MACROD2: variants seen among roughly 807,000 people sequenced by gnomAD.
MACROD2 encodes the protein ADP-ribose glycohydrolase MACROD2.
MACROD2 carries 36 observed loss-of-function variants against 70.4 expected under a neutral mutation model. That is an observed-to-expected ratio of 0.51 (90% CI 0.39 to 0.68). The LOEUF is 0.68. Among genes scored for constraint, MACROD2 ranks in the 30% least tolerant of loss-of-function variants. MACROD2 has a pLI of 0.00. For missense variants in MACROD2, 496 were observed against 538.4 expected, an observed-to-expected ratio of 0.92 and a Z score of 0.78; for synonymous variants, 172 against 178.8, an observed-to-expected ratio of 0.96 and a Z score of 0.30.
intron 5 of MACROD2, among the ~76,000 whole-genome samples, chr20:14,806,395 G>A (rs2072639511): frequency 6.6e-6 from 1 of 152,062 alleles, no homozygotes; most frequent in Non-Finnish European, 1.5e-5. Context: ...TTGAGGGACG[G>A]TGCTATCCAG....
At chr20:15,485,714 C>A (rs953495168) in intron 7 of MACROD2, among the ~76,000 whole-genome samples, 1 of 152,132 alleles carries the variant, frequency 6.6e-6, no homozygotes, top group Non-Finnish European at 1.5e-5. Context: ...ACTTGCTATA[C>A]CCCAAGTGCC....
At chr20:15,583,730 G>A (rs185479088) in intron 8 of MACROD2, among the ~76,000 whole-genome samples, 1 of 152,140 alleles carries the variant, frequency 6.6e-6, no homozygotes, top group African/African-American at 2.4e-5. Context: ...TGCAACCTCC[G>A]CCTCCTGAGT....
chr20:16,029,238 G>C (rs533774909), intron 15 of MACROD2, among the ~76,000 whole-genome samples: 20 of 152,234 alleles, frequency 1.3e-4, no homozygotes, highest in African/African-American at 4.8e-4. Flanking sequence ...TTGCAGGTTG[G>C]GGCTACAACC....
intron 8 of MACROD2, among the ~76,000 whole-genome samples, chr20:15,672,286 C>T (rs1238360786): frequency 6.6e-6 from 1 of 151,590 alleles, no homozygotes; most frequent in East Asian, 1.9e-4. Flanking sequence ...TTGCATAACC[C>T]TGAATGGTGA....
Position 14,587,783 on chromosome 20 carries a change from T to A in MACROD2, c.301+94275T>A, listed in dbSNP as rs187019441. Among the ~76,000 whole-genome samples, 14 of 152,194 alleles carry A rather than the reference T, an allele frequency of 9.2e-5. No homozygotes were observed. In the East Asian group the frequency reaches 2.3e-3, roughly 25 times the overall value. Reference sequence around the variant, plus strand: ...TGATCATGATACATTAATCTTTTGATGTGTTGCTATATTTTTGCATGCTGT... The same window carrying A: ...TGATCATGATACATTAATCTTTTGAAGTGTTGCTATATTTTTGCATGCTGT... On this transcript the variant is annotated intron_variant, in intron 4 of 17. Transcript: ENST00000684519.
At chr20:15,259,124 C>T (rs963723947) in intron 6 of MACROD2, among the ~76,000 whole-genome samples, 2 of 151,932 alleles carry the variant, frequency 1.3e-5, no homozygotes, top group Non-Finnish European at 2.9e-5. Context: ...CTTCTTTCCC[C>T]CCATACAACA....
At chr20:14,502,112 A>G (rs1268018928) in intron 4 of MACROD2, among the ~76,000 whole-genome samples, 1 of 152,248 alleles carries the variant, frequency 6.6e-6, no homozygotes, top group African/African-American at 2.4e-5. Flanking sequence ...AACAAGTTTC[A>G]AGCAAAATAC....
chr20:15,050,957 G>A (rs912192181), intron 5 of MACROD2, among the ~76,000 whole-genome samples: 4 of 151,986 alleles, frequency 2.6e-5, no homozygotes, highest in African/African-American at 2.4e-5. Context: ...GTAAAATTAT[G>A]GTTGAACAAA....
chr20:15,519,469 T>C (rs1022680590), intron 8 of MACROD2, among the ~76,000 whole-genome samples: 1 of 152,210 alleles, frequency 6.6e-6, no homozygotes, highest in Non-Finnish European at 1.5e-5. Flanking sequence ...GCAGATAGTC[T>C]TGTTTGAAAT....
intron 5 of MACROD2, among the ~76,000 whole-genome samples, chr20:14,764,914 G>A (rs556751249): frequency 4.6e-5 from 7 of 152,028 alleles, no homozygotes; most frequent in Non-Finnish European, 1.0e-4. Context: ...AGGAACCCAG[G>A]AATTTCTCCA....
chr20:16,023,470 T>G (rs1337429282), intron 15 of MACROD2, among the ~76,000 whole-genome samples: 1 of 54,484 alleles, frequency 1.8e-5, no homozygotes, highest in African/African-American at 5.7e-5. Flanking sequence ...CGAGACTCCA[T>G]CTCAAAAAAA....
intron 2 of MACROD2, among the ~76,000 whole-genome samples, chr20:14,010,645 A>G (rs552520160): frequency 6.6e-6 from 1 of 151,490 alleles, no homozygotes; most frequent in African/African-American, 2.4e-5. Context: ...GTTTTCTGGC[A>G]CTGCATCTGG....
intron 8 of MACROD2, among the ~76,000 whole-genome samples, chr20:15,817,649 C>A (rs1387424744): frequency 2.0e-5 from 3 of 152,072 alleles, no homozygotes; most frequent in Non-Finnish European, 4.4e-5. Context: ...TCTCTTAATC[C>A]CTGGTGCCAG....
At chr20:15,936,213 A>G (rs1432969283) in intron 11 of MACROD2, among the ~76,000 whole-genome samples, 1 of 146,506 alleles carries the variant, frequency 6.8e-6, no homozygotes, top group Non-Finnish European at 1.5e-5. Flanking sequence ...GTATAAATAT[A>G]CTATATATAA....
At chr20:15,298,803 G>A (rs534556563) in intron 6 of MACROD2, among the ~76,000 whole-genome samples, 5 of 152,062 alleles carry the variant, frequency 3.3e-5, no homozygotes, top group African/African-American at 1.2e-4. Flanking sequence ...TATATGCCAG[G>A]CCTTATGTTT....
intron 8 of MACROD2, among the ~76,000 whole-genome samples, chr20:15,858,132 ACTCGAT>A: frequency 6.6e-6 from 1 of 150,454 alleles, no homozygotes; most frequent in South Asian, 2.1e-4. Flanking sequence ...AAAAAAAATC[ACTCGAT>A]TCCTGGACTC....
intron 3 of MACROD2, among the ~76,000 whole-genome samples, chr20:14,472,813 A>G (rs181060231): frequency 3.2e-4 from 48 of 152,174 alleles, no homozygotes; most frequent in Middle Eastern, 6.8e-3. Context: ...GGAGCCTGGT[A>G]TTTGGTGGTC....
At chr20:14,582,414 A>T (rs916788429) in intron 4 of MACROD2, among the ~76,000 whole-genome samples, 1 of 151,982 alleles carries the variant, frequency 6.6e-6, no homozygotes, top group Non-Finnish European at 1.5e-5. Context: ...ATCCTCTGTG[A>T]GTTGGTTGCC....
chr20:14,018,588 G>C (rs1420878721), intron 2 of MACROD2, among the ~76,000 whole-genome samples: 2 of 151,878 alleles, frequency 1.3e-5, no homozygotes, highest in Non-Finnish European at 2.9e-5. Flanking sequence ...TCTTCTTTCA[G>C]CTAAATTCTG....
Sources: allele counts gnomAD v4.1 joint callset (sites outside exome capture counted in the v4.1 genomes callset), GRCh38; gene constraint gnomAD v4.1.1; transcripts MANE v1.5; gene names NCBI Gene and HGNC (gene_info 2026-07-23, HGNC 2026-07-21).